Variants in ZNF536 observed in about 807,000 individuals in gnomAD.
ZNF536 encodes zinc finger protein 536.
In ZNF536, 13 loss-of-function variants were observed where a neutral mutation model predicts 84.5. That is an observed-to-expected ratio of 0.15 (90% CI 0.10 to 0.24). ZNF536 has a LOEUF of 0.24. Among genes scored for constraint, ZNF536 ranks in the 10% least tolerant of loss-of-function variants. ZNF536 has a pLI of 1.00. For missense variants in ZNF536, 1,536 were observed against 1,747.5 expected, an observed-to-expected ratio of 0.88 and a Z score of 2.16; for synonymous variants, 811 against 742.5, an observed-to-expected ratio of 1.09 and a Z score of -1.50.
chr19:30,620,982 G>C (rs1346010496), intron 1 of ZNF536, among the ~76,000 whole-genome samples: 1 of 152,052 alleles, frequency 6.6e-6, no homozygotes, highest in Admixed American at 6.5e-5. Flanking sequence ...TGAACAAAAG[G>C]AAGGGGCTTC....
intron 1 of ZNF536, among the ~76,000 whole-genome samples, chr19:30,249,216 T>C (rs1324112945): frequency 6.6e-6 from 1 of 152,196 alleles, no homozygotes; most frequent in Non-Finnish European, 1.5e-5. Context: ...CAGCAACTAT[T>C]TATCCAGTGC....
At chr19:30,411,265 T>A (rs1193294656) in intron 1 of ZNF536, among the ~76,000 whole-genome samples, 1 of 152,198 alleles carries the variant, frequency 6.6e-6, no homozygotes, top group Non-Finnish European at 1.5e-5. Context: ...GCAGATAGTG[T>A]GTGAGAATGG....
At chr19:30,686,275 C>T (rs1056200753) in intron 1 of ZNF536, among the ~76,000 whole-genome samples, 2 of 150,384 alleles carry the variant, frequency 1.3e-5, no homozygotes, top group African/African-American at 4.9e-5. Context: ...CACACACACA[C>T]TTTTTTTTTT....
intron 1 of ZNF536, among the ~76,000 whole-genome samples, chr19:30,241,607 G>A (rs1428479951): frequency 1.3e-5 from 2 of 152,202 alleles, no homozygotes; most frequent in Non-Finnish European, 2.9e-5. Flanking sequence ...TGTGGCTGGA[G>A]TAAAAAAGGG....
At chr19:30,508,820 C>T (rs865793474) in intron 2 of ZNF536, among the ~76,000 whole-genome samples, 65 of 68,784 alleles carry the variant, frequency 9.4e-4, no homozygotes, top group African/African-American at 3.7e-3. Context: ...TTCTTTCTTT[C>T]TTTTTTTTTT....
chr19:30,559,553 C>T (rs537729179), downstream of ZNF536, among the ~76,000 whole-genome samples: 86 of 152,304 alleles, frequency 5.6e-4, no homozygotes, highest in African/African-American at 1.9e-3. Flanking sequence ...CTGTTCCTGG[C>T]GTTGCCGGTC....
intron 1 of ZNF536, among the ~76,000 whole-genome samples, chr19:30,627,619 C>A (rs544721283): frequency 6.6e-6 from 1 of 151,686 alleles, no homozygotes; most frequent in African/African-American, 2.4e-5. Flanking sequence ...TAATGACACT[C>A]TTAAATTCCC....
chr19:30,596,138 T>C (rs1238483520), intron 1 of ZNF536, among the ~76,000 whole-genome samples: 5 of 152,076 alleles, frequency 3.3e-5, no homozygotes, highest in African/African-American at 1.2e-4. Flanking sequence ...GTGGCAGAGC[T>C]ATTTTGGGCA....
chr19:30,594,806 C>T (rs753461016), intron 1 of ZNF536, among the ~76,000 whole-genome samples: 29 of 151,896 alleles, frequency 1.9e-4, no homozygotes, highest in Admixed American at 5.2e-4. Context: ...CCGAGGCCAA[C>T]GTCTGAGCCA....
At chr19:30,351,553 T>C (rs1257184889) in intron 2 of ZNF536, among the ~76,000 whole-genome samples, 1 of 152,242 alleles carries the variant, frequency 6.6e-6, no homozygotes, top group African/African-American at 2.4e-5. Context: ...ATCAGTATAT[T>C]ACAAGCAATT....
intron 1 of ZNF536, among the ~76,000 whole-genome samples, chr19:30,668,140 T>A (rs1035184048): frequency 5.1e-4 from 77 of 152,172 alleles, no homozygotes; most frequent in Middle Eastern, 6.8e-3. Flanking sequence ...AGAAAAAAAA[T>A]TTTTAGTTCA....
chr19:30,570,498 G>A (rs1338425626), intron 1 of ZNF536, among the ~76,000 whole-genome samples: 1 of 152,082 alleles, frequency 6.6e-6, no homozygotes, highest in Non-Finnish European at 1.5e-5. Flanking sequence ...TAACTTTTAC[G>A]GAGGTAAAAT....
At chr19:30,673,888 G>A (rs1014070466) in intron 1 of ZNF536, among the ~76,000 whole-genome samples, 1 of 152,158 alleles carries the variant, frequency 6.6e-6, no homozygotes, top group Non-Finnish European at 1.5e-5. Flanking sequence ...TTTATGTTGG[G>A]TTCTGTAGCG....
chr19:30,576,076 A>G (rs2046725412), intron 1 of ZNF536, among the ~76,000 whole-genome samples: 1 of 152,228 alleles, frequency 6.6e-6, no homozygotes, highest in South Asian at 2.1e-4. Context: ...TGTTTGAGCC[A>G]AGGGTCCTGC....
At chr19:30,455,071 G>C (rs905543134) in intron 2 of ZNF536, among the ~76,000 whole-genome samples, 1 of 128,658 alleles carries the variant, frequency 7.8e-6, no homozygotes, top group Non-Finnish European at 1.8e-5. Flanking sequence ...AACAAACAAA[G>C]TTTCTACTTG....
intron 1 of ZNF536, among the ~76,000 whole-genome samples, chr19:30,396,666 TCTCGGCTCACTGCAAC>T (rs2049835085): frequency 6.7e-6 from 1 of 148,262 alleles, no homozygotes; most frequent in African/African-American, 2.5e-5. Flanking sequence ...AGTGGCATGA[TCTCGGCTCACTGCAAC>T]CTCTGCCCCG....
At chr19:30,569,217 G>T (rs1285004344) in intron 1 of ZNF536, among the ~76,000 whole-genome samples, 2 of 152,048 alleles carry the variant, frequency 1.3e-5, no homozygotes, top group Non-Finnish European at 2.9e-5. Context: ...TTGTGTTGAG[G>T]TATATATCAC....
upstream of ZNF536, among the ~76,000 whole-genome samples, chr19:30,226,043 C>A (rs1236191693): frequency 6.6e-5 from 10 of 151,940 alleles, no homozygotes; most frequent in East Asian, 1.9e-3. The surrounding 1 kb of genome is among the most constrained non-coding windows in gnomAD (Gnocchi z 4.6). Flanking sequence ...GCGCCTGGGC[C>A]GCCGCCTCCC....
chr19:30,683,667 A>G (rs938798898), intron 1 of ZNF536, among the ~76,000 whole-genome samples: 22 of 152,338 alleles, frequency 1.4e-4, no homozygotes, highest in Admixed American at 9.1e-4. Flanking sequence ...TTGCTCACTA[A>G]ATATCTTTTC....
Sources: gnomAD v4.1 joint callset for allele counts (sites outside exome capture counted in the v4.1 genomes callset) on GRCh38, gnomAD v4.1.1 for gene constraint, Gnocchi (gnomAD v3.1) non-coding constraint, MANE v1.5 for transcripts, NCBI Gene and HGNC (gene_info 2026-07-23, HGNC 2026-07-21) for gene names.